IQGAP1: variants seen among roughly 807,000 people sequenced by gnomAD.
The protein encoded by IQGAP1 is IQ motif containing GTPase activating protein 1, also known as ras GTPase-activating-like protein IQGAP1.
Under a neutral mutation model 215.6 loss-of-function variants are expected in IQGAP1, and 66 were observed. The ratio of observed to expected loss-of-function variants is 0.31; its 90% CI spans 0.25 to 0.38. The LOEUF (loss-of-function observed/expected upper bound fraction) is 0.38, where lower values mean the gene tolerates loss of function less well. IQGAP1 is among the 10% of genes least tolerant of loss of function. The probability of loss-of-function intolerance (pLI) is 1.00; values close to 1 mark genes in which losing one functional copy is unlikely to be tolerated. For missense variants in IQGAP1, 1,712 were observed against 1,997.1 expected (o/e 0.86, Z 2.72); for synonymous variants, 772 against 728.7 (o/e 1.06, Z -0.96).
chr15:90,408,483 C>T (rs920220838), intron 2 of IQGAP1, among the ~76,000 whole-genome samples: 13 of 151,810 alleles, frequency 8.6e-5, no homozygotes, highest in Middle Eastern at 3.4e-3. Context: ...AACTATTAGG[C>T]GATAAAGAGA....
rs1380034682 is a variant in IQGAP1, at chr15:90,443,699, A to G, written c.913+221A>G. ...GTTCCTACACTGACAGTAGCATCAT[A>G]GTAGTCTGTTTGGCTACAGTTTCAC... On this transcript the variant is annotated intron_variant, in intron 9 of 37. Coordinates refer to ENST00000268182, the MANE Select transcript of IQGAP1 (RefSeq NM_003870.4). 2.6e-5 allele frequency among the ~76,000 whole-genome samples: 4 copies of G among 152,182 alleles called. No individual in the cohort carries two copies. The East Asian group carries it at 7.7e-4, about 29-fold the overall frequency.
At chr15:90,395,532 G>T (rs1281728703) in intron 2 of IQGAP1, among the ~76,000 whole-genome samples, 2 of 152,136 alleles carry the variant, frequency 1.3e-5, no homozygotes, top group Admixed American at 6.5e-5. Context: ...GTGTTAGCCA[G>T]GATAGTCTTG....
chr15:90,420,313 A>G (rs555196466), intron 2 of IQGAP1, among the ~76,000 whole-genome samples: 1 of 152,308 alleles, frequency 6.6e-6, no homozygotes, highest in South Asian at 2.1e-4. Context: ...TAAGTGCGAG[A>G]GACAGGACAT....
chr15:90,482,262 G>A lies in IQGAP1; in HGVS notation c.3536G>A (p.Gly1179Asp), dbSNP rs940324287. The change falls in exon 28 of 38, where the codon GGT becomes GAT. Residue 1179 changes from glycine to aspartate, a missense_variant. By Grantham distance (94) the Gly-to-Asp change is moderately conservative. This residue lies in a region of IQGAP1 where 691 missense variants were observed against 923.0 expected (regional missense o/e 0.75). Transcript: ENST00000268182. ...DSLHEKFPDA[G>D]EDELLKIIGN... ...TTGCATGAGAAGTTCCCTGATGCTGGTGAGGATGAGCTGCTGAAGGTAAGA... is the reference window on the plus strand; with the variant it reads ...TTGCATGAGAAGTTCCCTGATGCTGATGAGGATGAGCTGCTGAAGGTAAGA... The A allele has an allele frequency of 6.2e-7, 1 of 1,614,218 alleles. No individual in the cohort carries two copies. Among genetic ancestry groups the A allele is most frequent in the Non-Finnish European group, 8.5e-7 (1 of 1,180,024 alleles).
Position 90,432,229 on chromosome 15 carries a change from A to G in IQGAP1, c.391-1490A>G, listed in dbSNP as rs1417030311. On this transcript the variant is annotated intron_variant, in intron 4 of 37. Transcript: ENST00000268182. ...CCAACTGAACTTCCCTTCCTCTATA[A>G]TAAATGGTACCATGTCATCATTTTC... 3.3e-5 allele frequency among the ~76,000 whole-genome samples: 5 copies of G among 152,272 alleles called. No homozygotes were observed. In the South Asian group the frequency reaches 1.0e-3, roughly 32 times the overall value.
intron 25 of IQGAP1, 135 bp from the exon 26 acceptor site, chr15:90,477,530 T>C (rs1965996977): frequency 1.4e-6 from 1 of 696,632 alleles, no homozygotes; most frequent in Admixed American, 2.6e-5. Flanking sequence ...AGCGTGCAGC[T>C]GCAGGAACAT....
chr15:90,473,456 C>T (rs942843772), intron 19 of IQGAP1: 1 of 458,368 alleles, frequency 2.2e-6, no homozygotes, highest in Admixed American at 3.8e-5. Flanking sequence ...TTGTAAGAAG[C>T]CAGTAAATGA....
At chr15:90,484,920 C>G (rs575063548) in intron 30 of IQGAP1, among the ~76,000 whole-genome samples, 1 of 152,318 alleles carries the variant, frequency 6.6e-6, no homozygotes, top group African/African-American at 2.4e-5. Context: ...TTCCTGGACA[C>G]CGCCCCAGGC....
intron 15 of IQGAP1, among the ~76,000 whole-genome samples, chr15:90,464,953 A>G (rs889740242): frequency 2.0e-5 from 3 of 152,208 alleles, no homozygotes; most frequent in African/African-American, 4.8e-5. Context: ...AAGCGCCTTT[A>G]AAAAAGAAAC....
intron 2 of IQGAP1, among the ~76,000 whole-genome samples, chr15:90,422,484 A>G (rs954420616): frequency 6.6e-6 from 1 of 151,716 alleles, no homozygotes; most frequent in African/African-American, 2.4e-5. Context: ...AAATGACATA[A>G]ATGTCTAAGA....
chr15:90,437,936 C>T (rs928567190), intron 5 of IQGAP1, among the ~76,000 whole-genome samples: 2 of 152,186 alleles, frequency 1.3e-5, no homozygotes, highest in Non-Finnish European at 2.9e-5. Flanking sequence ...TAATCATATA[C>T]ACATGACTTA....
intron 2 of IQGAP1, among the ~76,000 whole-genome samples, chr15:90,401,318 G>C (rs1338498341): frequency 6.6e-6 from 1 of 152,138 alleles, no homozygotes; most frequent in Non-Finnish European, 1.5e-5. Flanking sequence ...GCTGAAGTTT[G>C]AATGTTGGGT....
intron 26 of IQGAP1, among the ~76,000 whole-genome samples, chr15:90,481,719 T>C (rs1016158177): frequency 1.3e-5 from 2 of 152,230 alleles, no homozygotes; most frequent in Non-Finnish European, 2.9e-5. Context: ...GAAGGTGTCA[T>C]GTCTTGTATA....
At chr15:90,444,283 A>G (rs60691068) in intron 9 of IQGAP1, among the ~76,000 whole-genome samples, 9,494 of 84,560 alleles carry the variant, frequency 0.11, 438 homozygotes, top group African/African-American at 0.23. Flanking sequence ...GTGTGTGTAT[A>G]TATATATTTT....
Position 90,456,298 on chromosome 15 carries a change from A to G in IQGAP1, c.1759A>G (p.Lys587Glu). The G allele has an allele frequency of 1.2e-6, 2 of 1,613,994 alleles. No homozygotes were observed. Among genetic ancestry groups the G allele is most frequent in the Non-Finnish European group, 1.7e-6 (2 of 1,179,924 alleles). ...TTACCAAGACACGCTGATTAGAGCG[A>G]AGAGAGAGAAAGCCCAGGTGAGTGG... ...QHYQDTLIRA[K>E]REKAQEIQDE... The change falls in exon 15 of 38, where the codon AAG becomes GAG. Residue 587 changes from lysine to glutamate, a missense_variant. Physicochemically the swap from Lys to Glu is moderately conservative, Grantham distance 56. Coordinates refer to ENST00000268182, the MANE Select transcript of IQGAP1 (RefSeq NM_003870.4).
chr15:90,390,382 T>G (rs1362028184), intron 1 of IQGAP1, among the ~76,000 whole-genome samples: 1 of 152,220 alleles, frequency 6.6e-6, no homozygotes, highest in Non-Finnish European at 1.5e-5. Flanking sequence ...TGTAAAATGC[T>G]TCGTACAATT....
intron 3 of IQGAP1, among the ~76,000 whole-genome samples, chr15:90,428,894 T>C (rs1192704055): frequency 1.3e-5 from 2 of 152,182 alleles, no homozygotes; most frequent in Non-Finnish European, 2.9e-5. Context: ...TTCTGTCGCC[T>C]AGGCTGGAGT....
chr15:90,426,808 C>G (rs1400105312), intron 3 of IQGAP1, among the ~76,000 whole-genome samples: 1 of 151,888 alleles, frequency 6.6e-6, no homozygotes, highest in Non-Finnish European at 1.5e-5. Context: ...CAAAAATTAG[C>G]CGGGCGTGGT....
In IQGAP1 at chr15:90,456,138, CTCTTTATATT is replaced by C; in HGVS notation, c.1613-12_1613-3del. On this transcript the variant is annotated splice_polypyrimidine_tract_variant and splice_region_variant and intron_variant, in intron 14 of 37. Transcript: ENST00000268182. The stretch of plus-strand genomic sequence containing the variant: ...TAATTAGAAAAAAAAAACTTTCTGT[CTCTTTATATT>C]TAGGGATTTTAGCCATTGGTTTAAT... 6.2e-7 allele frequency: 1 copy of C among 1,601,286 alleles called. No homozygotes were observed. The highest frequency in any genetic ancestry group is 1.7e-4 in the Middle Eastern group (1 of 5,984).
Sources: gnomAD v4.1 joint callset for allele counts (sites outside exome capture counted in the v4.1 genomes callset) on GRCh38, gnomAD v4.1.1 for gene constraint, gnomAD v4.1.1 regional missense constraint, MANE v1.5 for transcripts, NCBI Gene and HGNC (gene_info 2026-07-23, HGNC 2026-07-21) for gene names.